LRRC37A2: variants seen among roughly 807,000 people sequenced by gnomAD.
The protein encoded by LRRC37A2 is leucine-rich repeat-containing protein 37A2.
LRRC37A2 carries 9 observed loss-of-function variants against 68.8 expected under a neutral mutation model. That is an observed-to-expected ratio of 0.13 (90% CI 0.08 to 0.23). The LOEUF is 0.23. Among genes scored for constraint, LRRC37A2 ranks in the 10% least tolerant of loss-of-function variants. LRRC37A2 has a pLI of 1.00. For synonymous variants in LRRC37A2, 63 were observed against 367.6 expected (o/e 0.17, Z 9.48); for missense variants, 168 against 950.4 (o/e 0.18, Z 10.82).
chr17:46,722,108 C>G, the LRRC37A2 span: 1 of 1,611,808 alleles, frequency 6.2e-7, no homozygotes, highest in East Asian at 2.2e-5. Context: ...GATGGCCGGA[C>G]TCGAACTCGT....
the LRRC37A2 span, among the ~76,000 whole-genome samples, chr17:46,892,823 G>A: frequency 1.3e-5 from 2 of 152,164 alleles, no homozygotes; most frequent in African/African-American, 4.8e-5. Context: ...GGCTGATGTA[G>A]ATCATCAAAT....
the LRRC37A2 span, among the ~76,000 whole-genome samples, chr17:46,896,365 AAG>A: frequency 1.8e-3 from 263 of 149,492 alleles, no homozygotes; most frequent in African/African-American, 5.7e-3. Flanking sequence ...AAAAGAAAGA[AAG>A]AGAGAGAGAG....
At chr17:46,516,630 G>C (rs2051392520) in intron 2 of LRRC37A2, 1 of 166,568 alleles carries the variant, frequency 6.0e-6, no homozygotes, top group African/African-American at 2.5e-5. Context: ...TTGATTATCA[G>C]CTACAGGAGT....
chr17:47,036,145 CAA>C, the LRRC37A2 span, among the ~76,000 whole-genome samples: 1 of 152,046 alleles, frequency 6.6e-6, no homozygotes, highest in Non-Finnish European at 1.5e-5. Context: ...CTTTGATGCA[CAA>C]AAGTTTTTAA....
the LRRC37A2 span, among the ~76,000 whole-genome samples, chr17:46,400,913 C>T: frequency 9.2e-6 from 1 of 108,158 alleles, no homozygotes; most frequent in African/African-American, 3.2e-5. Flanking sequence ...GGTTGGCCAG[C>T]CAGATGACTT....
chr17:46,847,492 A>G, the LRRC37A2 span, among the ~76,000 whole-genome samples: 5 of 152,296 alleles, frequency 3.3e-5, no homozygotes, highest in East Asian at 9.6e-4. Flanking sequence ...GACTGATGGG[A>G]GTGGTCAGGA....
At chr17:46,803,151 A>G in the LRRC37A2 span, among the ~76,000 whole-genome samples, 3 of 152,250 alleles carry the variant, frequency 2.0e-5, no homozygotes, top group Non-Finnish European at 2.9e-5. Flanking sequence ...GTATGCACGC[A>G]TTTGGTCGCA....
the LRRC37A2 span, among the ~76,000 whole-genome samples, chr17:46,927,471 G>A: frequency 6.6e-6 from 1 of 152,138 alleles, no homozygotes; most frequent in Non-Finnish European, 1.5e-5. Context: ...TCTGTAACCC[G>A]AGGTCATTTA....
the LRRC37A2 span, chr17:46,932,019 T>A: frequency 6.3e-7 from 1 of 1,594,520 alleles, no homozygotes; most frequent in Non-Finnish European, 8.6e-7. Context: ...CCTCAGATTC[T>A]GCTGCCCTGA....
chr17:46,746,190 T>G, the LRRC37A2 span, among the ~76,000 whole-genome samples: 1 of 152,218 alleles, frequency 6.6e-6, no homozygotes, highest in Non-Finnish European at 1.5e-5. Flanking sequence ...GCATTTGATT[T>G]TTTCCTAGTT....
At chr17:47,015,402 C>T in the LRRC37A2 span, among the ~76,000 whole-genome samples, 1 of 152,106 alleles carries the variant, frequency 6.6e-6, no homozygotes, top group Non-Finnish European at 1.5e-5. Flanking sequence ...CTTTAGTATT[C>T]AGTACAGTAA....
the LRRC37A2 span, among the ~76,000 whole-genome samples, chr17:46,775,573 C>T: frequency 6.9e-6 from 1 of 145,906 alleles, no homozygotes. Flanking sequence ...AAGCACTGAG[C>T]TTTTTCTAAA....
chr17:46,945,977 CT>C, the LRRC37A2 span, among the ~76,000 whole-genome samples: 1 of 152,234 alleles, frequency 6.6e-6, no homozygotes, highest in South Asian at 2.1e-4. Context: ...TTTTTTCCCC[CT>C]GTGGCAAAGG....
chr17:46,550,988 G>A (rs1369865869), intron 11 of LRRC37A2, among the ~76,000 whole-genome samples: 2 of 149,720 alleles, frequency 1.3e-5, no homozygotes, highest in African/African-American at 2.6e-5. Flanking sequence ...GTCCTCCAGT[G>A]TGTAAGGCAT....
the LRRC37A2 span, among the ~76,000 whole-genome samples, chr17:46,678,363 A>C: frequency 0.13 from 10,798 of 85,966 alleles, 983 homozygotes; most frequent in Non-Finnish European, 0.17. Flanking sequence ...ATCAGTAAGT[A>C]AAATTAACTC....
the LRRC37A2 span, among the ~76,000 whole-genome samples, chr17:46,801,985 T>C: frequency 1.3e-5 from 2 of 152,238 alleles, no homozygotes; most frequent in Non-Finnish European, 2.9e-5. Context: ...TCATGCCAGG[T>C]TCACAAACTG....
At chr17:46,792,875 A>C in the LRRC37A2 span, among the ~76,000 whole-genome samples, 1 of 152,142 alleles carries the variant, frequency 6.6e-6, no homozygotes, top group Non-Finnish European at 1.5e-5. Context: ...AATTTGCCAA[A>C]GAACCCAATT....
At chr17:46,734,060 A>G in the LRRC37A2 span, among the ~76,000 whole-genome samples, 3 of 152,228 alleles carry the variant, frequency 2.0e-5, no homozygotes, top group Non-Finnish European at 4.4e-5. Context: ...TCTCTAGACA[A>G]CATTGCTTTC....
the LRRC37A2 span, among the ~76,000 whole-genome samples, chr17:46,811,579 G>A: frequency 2.6e-5 from 4 of 152,192 alleles, no homozygotes; most frequent in South Asian, 8.3e-4. Flanking sequence ...AACAGAAAAG[G>A]AGCAAACCTG....
Sources: allele counts gnomAD v4.1 joint callset (sites outside exome capture counted in the v4.1 genomes callset), GRCh38; gene constraint gnomAD v4.1.1; transcripts MANE v1.5; gene names NCBI Gene and HGNC (gene_info 2026-07-23, HGNC 2026-07-21).